MFSD2A: variants seen among roughly 807,000 people sequenced by gnomAD.
The protein encoded by MFSD2A is MFSD2 lysolipid transporter A, lysophospholipid, also known as sodium-dependent lysophosphatidylcholine symporter 1.
Under a neutral mutation model 64.7 loss-of-function variants are expected in MFSD2A, and 27 were observed. The observed-to-expected ratio is 0.42, with a 90% CI of 0.31 to 0.58. The LOEUF (loss-of-function observed/expected upper bound fraction) is 0.58. MFSD2A is among the 20% of genes least tolerant of loss of function. MFSD2A has a pLI of 0.18. For missense variants in MFSD2A, 474 were observed against 679.5 expected (o/e 0.70, Z 3.36); for synonymous variants, 258 against 273.4 (o/e 0.94, Z 0.55).
chr1:39,957,816 AG>A (rs1211925649), intron 2 of MFSD2A: 2 of 152,648 alleles, frequency 1.3e-5, no homozygotes, highest in Non-Finnish European at 2.9e-5. Context: ...GAGGCAGAAT[AG>A]CCATGACTAC....
Position 39,958,927 on chromosome 1 carries a change from G to A in MFSD2A, c.353+102G>A. The A allele has an allele frequency of 7.2e-7, 1 of 1,390,676 alleles. No homozygotes were observed. Among genetic ancestry groups the A allele is most frequent in the Non-Finnish European group, 9.7e-7 (1 of 1,028,236 alleles). The allele number at this position is 1,390,676 out of a possible 1,614,324, so 86.1% of individuals were successfully genotyped here. A position where few individuals can be genotyped will look rare whatever the true frequency, so the allele number is the denominator to read the frequency against. ...CTTGTCACAGGCAGAAGGGTGAGGA[G>A]AAGGAAGGAGTTAAAAGCCCAAGGG... is the stretch of plus-strand genomic sequence containing the variant. On this transcript the variant is annotated intron_variant, in intron 3 of 13. Coordinates refer to ENST00000372811, the MANE Select transcript of MFSD2A (RefSeq NM_032793.5). This position sits in a 1 kb window ranked among gnomAD's most constrained non-coding sequence, Gnocchi z 4.7.
chr1:39,967,507 C>T (rs1388079943), intron 9 of MFSD2A, 121 bp from the exon 10 acceptor site: 1 of 895,792 alleles, frequency 1.1e-6, no homozygotes, highest in African/African-American at 1.6e-5. Flanking sequence ...CGTTGCTGCC[C>T]ACATGATGTC....
rs369221018 is a variant in MFSD2A, at chr1:39,965,510, A to G, written c.517A>G (p.Ser173Gly). 253 of 1,613,898 alleles carry G rather than the reference A, an allele frequency of 1.6e-4. No homozygotes were observed. Among genetic ancestry groups the G allele is most frequent in the Non-Finnish European group, 2.1e-4 (246 of 1,180,008 alleles). Residue 173 changes from serine (S) to glycine (G), a missense_variant, in exon 5 of 14, where the codon AGC becomes GGC. Transcript: ENST00000372811. The surrounding 1 kb of genome is among the most constrained non-coding windows in gnomAD (Gnocchi z 5.5). The part of the protein sequence containing the change: ...VPYSALTMFI[S>G]TEQTERDSAT... ...CTACTCGGCTCTCACCATGTTCATC[A>G]GCACCGAGCAGACTGAGCGGGATTC...
intron 3 of MFSD2A, among the ~76,000 whole-genome samples, chr1:39,961,828 G>T (rs1361828406): frequency 6.6e-6 from 1 of 152,178 alleles, no homozygotes; most frequent in East Asian, 1.9e-4. Flanking sequence ...GAAAGACTTT[G>T]ATAGTCACTT....
chr1:39,968,216 A>G lies in MFSD2A; in HGVS notation c.1209-118A>G. 8 of 1,232,632 alleles carry G rather than the reference A, an allele frequency of 6.5e-6. No homozygotes were observed. The highest frequency in any genetic ancestry group is 8.1e-6 in the Non-Finnish European group (7 of 865,320). The allele number at this position is 1,232,632 out of a possible 1,614,324, so 76.4% of individuals were successfully genotyped here. A position where few individuals can be genotyped will look rare whatever the true frequency, so the allele number is the denominator to read the frequency against. On this transcript the variant is annotated intron_variant, in intron 11 of 13. Coordinates refer to ENST00000372811, the MANE Select transcript of MFSD2A (RefSeq NM_032793.5). The surrounding 1 kb of genome is among the most constrained non-coding windows in gnomAD (Gnocchi z 4.4). The stretch of plus-strand genomic sequence containing the variant: ...CTTTTCTTATTCATGTGAAGGTCCC[A>G]TATCCTCACTGAGCTGTGTACCCAT...
rs1645105623 is a variant in MFSD2A at position 39,964,212 on chromosome 1, G to A, written c.354-999G>A. The A allele has an allele frequency of 6.6e-6, 1 of 152,210 alleles. No individual in the cohort carries two copies. The highest frequency in any genetic ancestry group is 1.5e-5 in the Non-Finnish European group (1 of 68,038). 9.4% of individuals were successfully genotyped at this position (152,210 alleles called of 1,614,324 possible). On this transcript the variant is annotated intron_variant, in intron 3 of 13. Coordinates refer to ENST00000372811, the MANE Select transcript of MFSD2A (RefSeq NM_032793.5). This position sits in a 1 kb window ranked among gnomAD's most constrained non-coding sequence, Gnocchi z 4.1. ...TTTTATTCCTTATGAAGGTTGAATG[G>A]TATATATAACTTTTAAATTATGTCA...
intron 3 of MFSD2A, among the ~76,000 whole-genome samples, chr1:39,959,475 A>C (rs961141496): frequency 1.3e-5 from 2 of 150,010 alleles, no homozygotes; most frequent in East Asian, 2.0e-4. Context: ...CTGGCCTTGA[A>C]CTCCTGGGCT....
chr1:39,967,558 T>C, intron 9 of MFSD2A, 70 bp from the exon 10 acceptor site: 1 of 1,440,754 alleles, frequency 6.9e-7, no homozygotes, highest in South Asian at 1.1e-5. Context: ...CACTTTGGGG[T>C]TCTGGGAAGG....
rs1645135652 is a variant in MFSD2A, at chr1:39,965,371, C to A, written c.477+37C>A. 1 of 1,613,536 alleles carries A rather than the reference C, an allele frequency of 6.2e-7. No homozygotes were observed. Among genetic ancestry groups the A allele is most frequent in the African/African-American group, 1.3e-5 (1 of 74,900 alleles). On this transcript the variant is annotated intron_variant, in intron 4 of 13. Coordinates refer to ENST00000372811, the MANE Select transcript of MFSD2A (RefSeq NM_032793.5). This position sits in a 1 kb window ranked among gnomAD's most constrained non-coding sequence, Gnocchi z 5.5. ...TACCTCCCTTGGGTGTCTCTAGGGG[C>A]CGGGAGGAGGGCGGTCCTTGGGGCC...
rs769859359 is a variant in MFSD2A at position 39,967,606 on chromosome 1, A to G, written c.1012-22A>G. ...CTGTGGCTCTAAAGCACCTCCCTTT[A>G]ACCCCCTTTGTCCATCCACAGCTCT... On this transcript the variant is annotated intron_variant, in intron 9 of 13. Coordinates refer to ENST00000372811, the MANE Select transcript of MFSD2A (RefSeq NM_032793.5). 5.6e-6 allele frequency: 9 copies of G among 1,611,800 alleles called. No individual in the cohort carries two copies. In the South Asian group the frequency reaches 9.9e-5, roughly 18 times the overall value.
In MFSD2A at chr1:39,958,127, C is replaced by A. The variant is rs946336722; in HGVS notation, c.229-574C>A. Among the ~76,000 whole-genome samples the A allele has an allele frequency of 3.6e-5, 5 of 137,016 alleles. No homozygotes were observed. The highest frequency in any genetic ancestry group is 1.4e-4 in the African/African-American group (5 of 35,968). 89.9% of individuals were successfully genotyped at this position (137,016 alleles called of 152,430 possible). On this transcript the variant is annotated intron_variant, in intron 2 of 13. Coordinates refer to ENST00000372811, the MANE Select transcript of MFSD2A (RefSeq NM_032793.5). This position sits in a 1 kb window ranked among gnomAD's most constrained non-coding sequence, Gnocchi z 4.7. ...CCCCAGAGAAATAGCAATAGCAGGGCTTTGATGGATAAGGAGGAGTCTGGA... is the reference window on the plus strand; with the variant it reads ...CCCCAGAGAAATAGCAATAGCAGGGATTTGATGGATAAGGAGGAGTCTGGA...
rs534496321 is a variant in MFSD2A at position 39,963,827 on chromosome 1, C to T, written c.354-1384C>T. ...TCGGCTCACTGCAACCTCTGCCTCC[C>T]GGGTTCAAGTGATTCTCCCGCTTCA... On this transcript the variant is annotated intron_variant, in intron 3 of 13. Transcript: ENST00000372811. The surrounding 1 kb of genome is among the most constrained non-coding windows in gnomAD (Gnocchi z 4.2). 2.3e-3 allele frequency among the ~76,000 whole-genome samples: 347 copies of T among 152,274 alleles called. 1 individual carries two copies. Among genetic ancestry groups the T allele is most frequent in the South Asian group, 0.016 (78 of 4,826 alleles).
In MFSD2A at chr1:39,963,393, G is replaced by A; in HGVS notation, c.354-1818G>A. The A allele has an allele frequency of 4.5e-6, 3 of 665,602 alleles. No homozygotes were observed. The highest frequency in any genetic ancestry group is 8.0e-6 in the Non-Finnish European group (3 of 376,208). The allele number at this position is 665,602 out of a possible 1,614,324, so 41.2% of individuals were successfully genotyped here. A position where few individuals can be genotyped will look rare whatever the true frequency, so the allele number is the denominator to read the frequency against. Reference sequence around the variant, plus strand: ...CAAGACCCACCAGGCTCCAGCTGTGGCTACAACATAGGGTTTTTATACAAG... The same window carrying A: ...CAAGACCCACCAGGCTCCAGCTGTGACTACAACATAGGGTTTTTATACAAG... On this transcript the variant is annotated intron_variant, in intron 3 of 13. Transcript: ENST00000372811. This position sits in a 1 kb window ranked among gnomAD's most constrained non-coding sequence, Gnocchi z 4.2.
rs1286364790 is a variant in MFSD2A at position 39,962,741 on chromosome 1, G to A, written c.354-2470G>A. 4.6e-6 allele frequency: 4 copies of A among 860,784 alleles called. No homozygotes were observed. The African/African-American group carries it at 6.6e-5, about 14-fold the overall frequency. 53.3% of individuals were successfully genotyped at this position (860,784 alleles called of 1,614,324 possible). A position where few individuals can be genotyped will look rare whatever the true frequency, so the allele number is the denominator to read the frequency against. On this transcript the variant is annotated intron_variant, in intron 3 of 13. Transcript: ENST00000372811. ...ATAAGGAGTGGATGCCTGTCACCAA[G>A]CTGGGCCGCTTGGTGAAGGACATGA... is the stretch of plus-strand genomic sequence containing the variant.
chr1:39,967,627 G>T lies in MFSD2A; in HGVS notation c.1012-1G>T. On this transcript the variant is annotated splice_acceptor_variant, in intron 9 of 13. Coordinates refer to ENST00000372811, the MANE Select transcript of MFSD2A (RefSeq NM_032793.5). LOFTEE classifies it high-confidence loss of function. The stretch of plus-strand genomic sequence containing the variant: ...CTTTAACCCCCTTTGTCCATCCACA[G>T]CTCTCGGCCACTTTAACCATTCCCA... 6.2e-7 allele frequency: 1 copy of T among 1,614,058 alleles called. No individual in the cohort carries two copies. The highest frequency in any genetic ancestry group is 8.5e-7 in the Non-Finnish European group (1 of 1,179,992).
rs539293305 is a variant in MFSD2A at position 39,959,929 on chromosome 1, T to C, written c.353+1104T>C. ...TAGACTTCAGGCCCAGCCTGCTGCA[T>C]CTCTACCTCCATGTGGGACCCTCCA... On this transcript the variant is annotated intron_variant, in intron 3 of 13. Transcript: ENST00000372811. 9.3e-4 allele frequency among the ~76,000 whole-genome samples: 142 copies of C among 152,054 alleles called. 2 individuals carry two copies. Among genetic ancestry groups the C allele is most frequent in the African/African-American group, 3.4e-3 (140 of 41,568 alleles).
Position 39,969,646 on chromosome 1 carries a change from G to A in MFSD2A, c.*78G>A. On this transcript the variant is annotated 3_prime_UTR_variant, in exon 14 of 14. Transcript: ENST00000372811. Reference sequence around the variant, plus strand: ...GACCTGTCTGCCGGCTTGCTGAGCAGCTGGACTGCAGGTGCTAGGAAGGGA... The same window carrying A: ...GACCTGTCTGCCGGCTTGCTGAGCAACTGGACTGCAGGTGCTAGGAAGGGA... 2.9e-6 allele frequency: 4 copies of A among 1,364,872 alleles called. No individual in the cohort carries two copies. Among genetic ancestry groups the A allele is most frequent in the African/African-American group, 1.5e-5 (1 of 68,128 alleles). 84.5% of individuals were successfully genotyped at this position (1,364,872 alleles called of 1,614,324 possible). A position where few individuals can be genotyped will look rare whatever the true frequency, so the allele number is the denominator to read the frequency against.
chr1:39,966,800 C>A lies in MFSD2A; in HGVS notation c.806-11C>A. On this transcript the variant is annotated splice_polypyrimidine_tract_variant and intron_variant, in intron 7 of 13. Coordinates refer to ENST00000372811, the MANE Select transcript of MFSD2A (RefSeq NM_032793.5). ...CTCTGCTCCTTCCTCACTGTCCGCTCTGGCCCCCAGAACCCTATGAAGCCC... is the reference window on the plus strand; with the variant it reads ...CTCTGCTCCTTCCTCACTGTCCGCTATGGCCCCCAGAACCCTATGAAGCCC... 1.9e-6 allele frequency: 3 copies of A among 1,614,118 alleles called. No homozygotes were observed. Among genetic ancestry groups the A allele is most frequent in the Non-Finnish European group, 2.5e-6 (3 of 1,180,010 alleles).
At position 39,965,265 on chromosome 1, in the gene MFSD2A, G is replaced by T; in HGVS notation, c.408G>T (p.Val136=). 13 of 1,614,066 alleles carry T rather than the reference G, an allele frequency of 8.1e-6. No homozygotes were observed. The highest frequency in any genetic ancestry group is 1.1e-5 in the Non-Finnish European group (13 of 1,180,016). ...TTGCCTACTTCCTCATCTGGTTCGTGCCCGACTTCCCACACGGCCAGACCT... is the reference window on the plus strand; with the variant it reads ...TTGCCTACTTCCTCATCTGGTTCGTTCCCGACTTCCCACACGGCCAGACCT... The part of the protein sequence containing the change: ...AVIAYFLIWF[V]PDFPHGQTYW... Residue 136 remains valine (V), a synonymous_variant, in exon 4 of 14, where the codon GTG becomes GTT. Transcript: ENST00000372811. This position sits in a 1 kb window ranked among gnomAD's most constrained non-coding sequence, Gnocchi z 5.5.
Sources: gnomAD v4.1 joint callset for allele counts (sites outside exome capture counted in the v4.1 genomes callset) on GRCh38, gnomAD v4.1.1 for gene constraint, Gnocchi (gnomAD v3.1) non-coding constraint, MANE v1.5 for transcripts, NCBI Gene and HGNC (gene_info 2026-07-23, HGNC 2026-07-21) for gene names.